The following LRMDA variants were observed in gnomAD, a reference collection of about 807,000 sequenced individuals.
LRMDA encodes leucine rich melanocyte differentiation associated.
In LRMDA, 18 loss-of-function variants were observed where a neutral mutation model predicts 29.8. That is an observed-to-expected ratio of 0.60 (90% confidence interval 0.42 to 0.90). The LOEUF (loss-of-function observed/expected upper bound fraction) is 0.90. LRMDA is among the 40% of genes least tolerant of loss of function. The pLI is 0.00. For missense variants in LRMDA, 273 were observed against 273.9 expected (o/e 1.00, Z 0.02); for synonymous variants, 125 against 109.4 (o/e 1.14, Z -0.89).
At chr10:75,558,970 T>C (rs1303779988) in intron 2 of LRMDA, among the ~76,000 whole-genome samples, 1 of 150,294 alleles carries the variant, frequency 6.7e-6, no homozygotes, top group Non-Finnish European at 1.5e-5. Flanking sequence ...TTTGCTATTG[T>C]GAATAGTGCT....
At chr10:75,756,017 T>C (rs951690937) in intron 2 of LRMDA, among the ~76,000 whole-genome samples, 1 of 152,240 alleles carries the variant, frequency 6.6e-6, no homozygotes, top group Admixed American at 6.5e-5. Flanking sequence ...TACTAGATGT[T>C]TCTTTGCTTC....
chr10:75,692,631 G>A (rs1161824742), intron 2 of LRMDA, among the ~76,000 whole-genome samples: 2 of 151,154 alleles, frequency 1.3e-5, no homozygotes, highest in African/African-American at 4.9e-5. Context: ...ACAATGGGAT[G>A]AGAGATAGAA....
At position 75,666,161 on chromosome 10, in the gene LRMDA, G is replaced by A. The variant is rs572885265; in HGVS notation, c.131+227667G>A. ...ATATGAATACCTGCTAGGGATGTTAGCTCATATACTGTATAGTTATACAGT... is the reference window on the plus strand; with the variant it reads ...ATATGAATACCTGCTAGGGATGTTAACTCATATACTGTATAGTTATACAGT... On this transcript the variant is annotated intron_variant, in intron 2 of 6. Transcript: ENST00000611255. 1.6e-4 allele frequency among the ~76,000 whole-genome samples: 24 copies of A among 152,092 alleles called. No homozygotes were observed. The South Asian group carries it at 4.6e-3, about 29-fold the overall frequency.
chr10:76,080,953 A>T (rs1364024046), intron 5 of LRMDA, among the ~76,000 whole-genome samples: 1 of 152,116 alleles, frequency 6.6e-6, no homozygotes, highest in Non-Finnish European at 1.5e-5. Context: ...ACACCTTGAC[A>T]CCTCCATCCA....
chr10:75,705,084 A>G (rs1842350670), intron 2 of LRMDA, among the ~76,000 whole-genome samples: 1 of 152,156 alleles, frequency 6.6e-6, no homozygotes, highest in African/African-American at 2.4e-5. Context: ...TGTTGTTGTT[A>G]TTGCTAAAGA....
At chr10:76,152,109 C>T (rs1198959785) in intron 5 of LRMDA, among the ~76,000 whole-genome samples, 1 of 152,196 alleles carries the variant, frequency 6.6e-6, no homozygotes, top group African/African-American at 2.4e-5. Context: ...ACTGTCACCA[C>T]TATTCAATCA....
At chr10:75,666,532 C>T (rs533505648) in intron 2 of LRMDA, among the ~76,000 whole-genome samples, 1 of 152,066 alleles carries the variant, frequency 6.6e-6, no homozygotes, top group South Asian at 2.1e-4. Flanking sequence ...ACTCCTTGTA[C>T]TATTGCTTTC....
intron 5 of LRMDA, among the ~76,000 whole-genome samples, chr10:76,128,882 CT>C (rs995468761): frequency 6.6e-6 from 1 of 152,188 alleles, no homozygotes; most frequent in Non-Finnish European, 1.5e-5. Context: ...AGAGGACCTC[CT>C]GGCTGTGTTC....
At chr10:76,191,630 A>G (rs1053451675) in intron 5 of LRMDA, among the ~76,000 whole-genome samples, 1 of 152,202 alleles carries the variant, frequency 6.6e-6, no homozygotes, top group Non-Finnish European at 1.5e-5. Flanking sequence ...TTTCTGAGGC[A>G]TGGAAACCAC....
In LRMDA at chr10:75,856,749, G is replaced by T. The variant is rs545180443; in HGVS notation, c.132-179259G>T. Among the ~76,000 whole-genome samples the T allele has an allele frequency of 1.4e-4, 21 of 152,308 alleles. No homozygotes were observed. The South Asian group carries it at 4.2e-3, about 30-fold the overall frequency. On this transcript the variant is annotated intron_variant, in intron 2 of 6. Coordinates refer to ENST00000611255, the MANE Select transcript of LRMDA (RefSeq NM_001305581.2). The stretch of plus-strand genomic sequence containing the variant: ...CATACTGAATGGGCAAAAACTGGAA[G>T]CATTCCCCTTGAAAACTGGCACAAG...
At position 76,440,384 on chromosome 10, in the gene LRMDA, A is replaced by G. The variant is rs138063270; in HGVS notation, c.601+115899A>G. Among the ~76,000 whole-genome samples the G allele has an allele frequency of 5.3e-5, 8 of 152,290 alleles. No individual in the cohort carries two copies. In the East Asian group the frequency reaches 1.5e-3, roughly 29 times the overall value. On this transcript the variant is annotated intron_variant, in intron 6 of 6. Coordinates refer to ENST00000611255, the MANE Select transcript of LRMDA (RefSeq NM_001305581.2). Reference sequence around the variant, plus strand: ...AGTCATGGTTCAGGGTGGGTAAAATATTGAGGGTATTACTTCTCACCCCAA... The same window carrying G: ...AGTCATGGTTCAGGGTGGGTAAAATGTTGAGGGTATTACTTCTCACCCCAA...
At chr10:76,203,839 G>A (rs1851479475) in intron 5 of LRMDA, among the ~76,000 whole-genome samples, 1 of 131,252 alleles carries the variant, frequency 7.6e-6, no homozygotes, top group South Asian at 2.5e-4. Context: ...CTCTCCATGT[G>A]TCTGTCCACC....
At chr10:75,740,553 C>T (rs557532296) in intron 2 of LRMDA, among the ~76,000 whole-genome samples, 169 of 152,302 alleles carry the variant, frequency 1.1e-3, no homozygotes, top group African/African-American at 3.5e-3. Context: ...ACAGCAGCCA[C>T]TAAGAAGTGC....
chr10:75,506,629 C>T lies in LRMDA; in HGVS notation c.131+68135C>T, dbSNP rs1845171384. Among the ~76,000 whole-genome samples, 10 of 152,260 alleles carry T rather than the reference C, an allele frequency of 6.6e-5. No homozygotes were observed. The South Asian group carries it at 2.1e-3, about 32-fold the overall frequency. On this transcript the variant is annotated intron_variant, in intron 2 of 6. Transcript: ENST00000611255. ...GGTCCCCAATTGGGTTGGTTGTAGG[C>T]TTGGTGGAGAGACATGGACCATGCT...
chr10:75,797,153 T>C lies in LRMDA; in HGVS notation c.132-238855T>C, dbSNP rs180961138. ...TATTATAACTTTAATTTAATAAATA[T>C]AGGGTGACTGAAATTTTCTATTTCT... On this transcript the variant is annotated intron_variant, in intron 2 of 6. Coordinates refer to ENST00000611255, the MANE Select transcript of LRMDA (RefSeq NM_001305581.2). Among the ~76,000 whole-genome samples, 203 of 152,260 alleles carry C rather than the reference T, an allele frequency of 1.3e-3. 1 individual carries two copies. The South Asian group carries it at 0.018, about 14-fold the overall frequency.
chr10:75,751,272 C>G (rs908491698), intron 2 of LRMDA, among the ~76,000 whole-genome samples: 12 of 151,856 alleles, frequency 7.9e-5, no homozygotes, highest in African/African-American at 2.9e-4. Context: ...GCAGCACAGT[C>G]CAGCCTCGGC....
chr10:75,442,242 C>T (rs1844334429), intron 2 of LRMDA, among the ~76,000 whole-genome samples: 1 of 152,218 alleles, frequency 6.6e-6, no homozygotes, highest in Non-Finnish European at 1.5e-5. Context: ...TAACATATCC[C>T]TTACTTCACA....
At chr10:75,924,420 A>G (rs966137170) in intron 2 of LRMDA, among the ~76,000 whole-genome samples, 1 of 152,242 alleles carries the variant, frequency 6.6e-6, no homozygotes, top group African/African-American at 2.4e-5. Flanking sequence ...GGATATCAGC[A>G]GAAAGTGCTT....
At chr10:76,205,994 A>G (rs958950005) in intron 5 of LRMDA, among the ~76,000 whole-genome samples, 2 of 152,190 alleles carry the variant, frequency 1.3e-5, no homozygotes, top group Non-Finnish European at 2.9e-5. Flanking sequence ...ACCCATACGC[A>G]TGGGAAACTC....
Sources: gnomAD v4.1 joint callset for allele counts (sites outside exome capture counted in the v4.1 genomes callset) on GRCh38, gnomAD v4.1.1 for gene constraint, MANE v1.5 for transcripts, NCBI Gene and HGNC (gene_info 2026-07-23, HGNC 2026-07-21) for gene names.